Variants in RASSF8 observed in about 807,000 individuals in gnomAD.
The protein encoded by RASSF8 is Ras association domain family member 8, also known as ras association domain-containing protein 8.
In RASSF8, 22 loss-of-function variants were observed where a neutral mutation model predicts 48.5. The ratio of observed to expected loss-of-function variants is 0.45; its 90% CI spans 0.32 to 0.65. The LOEUF (loss-of-function observed/expected upper bound fraction) is 0.65, where lower values mean the gene tolerates loss of function less well. Ranked by LOEUF, RASSF8 falls within the 30% of genes least tolerant of loss-of-function variation. RASSF8 has a pLI of 0.03. For synonymous variants in RASSF8, 127 were observed against 171.5 expected (o/e 0.74, Z 2.03); for missense variants, 418 against 489.2 (o/e 0.85, Z 1.37).
downstream of RASSF8, among the ~76,000 whole-genome samples, chr12:26,075,403 A>G (rs149234348): frequency 1.2e-3 from 185 of 152,290 alleles, 1 homozygote; most frequent in African/African-American, 4.3e-3. Context: ...CTTTTTATAG[A>G]GTGTTTTTGC....
At chr12:26,074,895 A>G (rs1315953422), downstream of RASSF8, among the ~76,000 whole-genome samples, 2 of 152,186 alleles carry the variant, frequency 1.3e-5, no homozygotes, top group Non-Finnish European at 2.9e-5. Context: ...CTTGGTTGCC[A>G]TGGTAAGGAG....
rs140140237 is a variant in RASSF8 at position 26,001,503 on chromosome 12, G to A, written c.-109+6373G>A. 2.5e-4 allele frequency among the ~76,000 whole-genome samples: 38 copies of A among 152,092 alleles called. 2 individuals carry two copies. In the East Asian group the frequency reaches 7.1e-3, roughly 29 times the overall value. ...TAAAATACAAATACATTGTACAGCTGTGCAAATATGTTTTGTTTATATTCC... is the reference window on the plus strand; with the variant it reads ...TAAAATACAAATACATTGTACAGCTATGCAAATATGTTTTGTTTATATTCC... On this transcript the variant is annotated intron_variant, in intron 2 of 5. Coordinates refer to ENST00000689635, the MANE Select transcript of RASSF8 (RefSeq NM_001394098.1).
intron 1 of RASSF8, among the ~76,000 whole-genome samples, chr12:25,967,931 C>A (rs1297638419): frequency 6.6e-6 from 1 of 152,214 alleles, no homozygotes; most frequent in African/African-American, 2.4e-5. Flanking sequence ...ACCATGCACA[C>A]CCTGGATCCC....
intron 1 of RASSF8, among the ~76,000 whole-genome samples, chr12:25,963,321 CAAAAA>C (rs61607517): frequency 0.11 from 10,593 of 96,260 alleles, 663 homozygotes; most frequent in East Asian, 0.32. Flanking sequence ...TTGTTTTAGC[CAAAAA>C]AAAAAAAAAA....
chr12:26,055,269 G>T lies in RASSF8; in HGVS notation c.-75G>T. On this transcript the variant is annotated 5_prime_UTR_variant, in exon 3 of 6. Coordinates refer to ENST00000689635, the MANE Select transcript of RASSF8 (RefSeq NM_001394098.1). ...ACAGACTTAGTCTTCTCCACTCCGTGTTCCTGCAGCTAGAGACATGACCTA... is the reference window on the plus strand; with the variant it reads ...ACAGACTTAGTCTTCTCCACTCCGTTTTCCTGCAGCTAGAGACATGACCTA... The T allele has an allele frequency of 8.3e-7, 1 of 1,204,164 alleles. No homozygotes were observed. The highest frequency in any genetic ancestry group is 1.2e-6 in the Non-Finnish European group (1 of 806,758). 74.6% of individuals were successfully genotyped at this position (1,204,164 alleles called of 1,614,324 possible). A position where few individuals can be genotyped will look rare whatever the true frequency, so the allele number is the denominator to read the frequency against.
chr12:25,983,424 A>G (rs942792789), intron 1 of RASSF8, among the ~76,000 whole-genome samples: 1 of 152,218 alleles, frequency 6.6e-6, no homozygotes, highest in Non-Finnish European at 1.5e-5. Flanking sequence ...ACACATGTGT[A>G]TGCATATGAT....
intron 1 of RASSF8, among the ~76,000 whole-genome samples, chr12:25,978,351 A>G (rs1189698793): frequency 6.6e-6 from 1 of 152,206 alleles, no homozygotes; most frequent in Admixed American, 6.5e-5. Context: ...GTCTAAGAAG[A>G]GCACCTGCAG....
chr12:26,077,395 G>A (rs1944081843), downstream of RASSF8, among the ~76,000 whole-genome samples: 1 of 152,104 alleles, frequency 6.6e-6, no homozygotes, highest in African/African-American at 2.4e-5. Flanking sequence ...ATGGTTTTTA[G>A]GTCTAACACT....
chr12:26,079,351 G>A (rs1293151615), exon 6 of RASSF8: 3 of 229,462 alleles, frequency 1.3e-5, no homozygotes, highest in Admixed American at 5.8e-5. Flanking sequence ...TTGGGAGGCC[G>A]AGGTGGGAGA....
intron 2 of RASSF8, among the ~76,000 whole-genome samples, chr12:26,052,125 C>A (rs141237515): frequency 6.6e-6 from 1 of 152,210 alleles, no homozygotes; most frequent in Non-Finnish European, 1.5e-5. Flanking sequence ...ACACCCTGTG[C>A]GTATCCACAA....
intron 2 of RASSF8, among the ~76,000 whole-genome samples, chr12:26,024,223 A>C (rs544133716): frequency 6.6e-6 from 1 of 151,944 alleles, no homozygotes; most frequent in South Asian, 2.1e-4. Flanking sequence ...CTGGTCTTGA[A>C]CTCCTGGCCT....
Position 26,044,344 on chromosome 12 carries a change from C to T in RASSF8, c.-108-10892C>T, listed in dbSNP as rs141392479. Among the ~76,000 whole-genome samples the T allele has an allele frequency of 9.2e-5, 14 of 152,268 alleles. No homozygotes were observed. The East Asian group carries it at 2.5e-3, about 27-fold the overall frequency. Reference sequence around the variant, plus strand: ...TGAAATTGTAGGACTTAAATATAAACACATAGTGGAAGTCAGATATATTAA... The same window carrying T: ...TGAAATTGTAGGACTTAAATATAAATACATAGTGGAAGTCAGATATATTAA... On this transcript the variant is annotated intron_variant, in intron 2 of 5. Transcript: ENST00000689635.
rs181687725 is a variant in RASSF8 at position 26,047,674 on chromosome 12, C to T, written c.-108-7562C>T. 5.9e-3 allele frequency among the ~76,000 whole-genome samples: 901 copies of T among 152,172 alleles called. 6 individuals are homozygous for T. Among genetic ancestry groups the T allele is most frequent in the African/African-American group, 0.02 (846 of 41,482 alleles). On this transcript the variant is annotated intron_variant, in intron 2 of 5. Coordinates refer to ENST00000689635, the MANE Select transcript of RASSF8 (RefSeq NM_001394098.1). ...ATTAATGCTTTGAATGAAACTATGT[C>T]GACTTAGCTGGTAACTACCGTCTCT...
rs1941681170 is a variant in RASSF8, at chr12:25,979,236, G to T, written c.-202-15801G>T. Among the ~76,000 whole-genome samples, 4 of 152,094 alleles carry T rather than the reference G, an allele frequency of 2.6e-5. No homozygotes were observed. The South Asian group carries it at 8.3e-4, about 32-fold the overall frequency. Reference sequence around the variant, plus strand: ...TCCTGCACCAGGCAGTATAAAGAGAGAATCAAGCAGCAGGGAGCTCTAGCA... The same window carrying T: ...TCCTGCACCAGGCAGTATAAAGAGATAATCAAGCAGCAGGGAGCTCTAGCA... On this transcript the variant is annotated intron_variant, in intron 1 of 5. Coordinates refer to ENST00000689635, the MANE Select transcript of RASSF8 (RefSeq NM_001394098.1).
In RASSF8 at chr12:26,071,226, T is replaced by C; in HGVS notation, c.*2408T>C. The C allele has an allele frequency of 1.0e-6, 1 of 981,422 alleles. No individual in the cohort carries two copies. Among genetic ancestry groups the C allele is most frequent in the Non-Finnish European group, 1.2e-6 (1 of 826,312 alleles). 60.8% of individuals were successfully genotyped at this position (981,422 alleles called of 1,614,324 possible). On this transcript the variant is annotated 3_prime_UTR_variant, in exon 6 of 6. Transcript: ENST00000689635. ...TTCATAGGATCATCTGAAGATACTT[T>C]AGTATATTTGTGATCATTTTTATCT...
intron 1 of RASSF8, among the ~76,000 whole-genome samples, chr12:25,992,555 G>A (rs1942039169): frequency 6.6e-6 from 1 of 152,154 alleles, no homozygotes; most frequent in South Asian, 2.1e-4. Context: ...TCATATTTGA[G>A]TGGAGTCTTG....
rs1943955778 is a variant in RASSF8 at position 26,069,496 on chromosome 12, C to T, written c.*678C>T. ...ATATACGTGTGGCCACAGAGCATAA[C>T]AGATATTTTTCATAAGCTAAATTGT... On this transcript the variant is annotated 3_prime_UTR_variant, in exon 6 of 6. Transcript: ENST00000689635. 10 of 985,254 alleles carry T rather than the reference C, an allele frequency of 1.0e-5. No homozygotes were observed. The highest frequency in any genetic ancestry group is 5.2e-4 in the Middle Eastern group (1 of 1,936). The allele number at this position is 985,254 out of a possible 1,614,324, so 61.0% of individuals were successfully genotyped here.
intron 2 of RASSF8, chr12:26,052,573 G>T (rs942926004): frequency 6.6e-6 from 1 of 152,088 alleles, no homozygotes. Context: ...TAGTCTGAAC[G>T]ATGACCAATC....
At chr12:25,977,399 C>T (rs922786659) in intron 1 of RASSF8, among the ~76,000 whole-genome samples, 1 of 152,130 alleles carries the variant, frequency 6.6e-6, no homozygotes, top group Admixed American at 6.6e-5. Context: ...GTAGTTTGCC[C>T]ATAACCATCT....
Sources: gnomAD v4.1 joint callset for allele counts (sites outside exome capture counted in the v4.1 genomes callset) on GRCh38, gnomAD v4.1.1 for gene constraint, MANE v1.5 for transcripts, NCBI Gene and HGNC (gene_info 2026-07-23, HGNC 2026-07-21) for gene names.